SPSB1: variants seen among roughly 807,000 people sequenced by gnomAD.
The protein encoded by SPSB1 is SPRY domain-containing SOCS box protein 1.
A neutral mutation model predicts 21.2 loss-of-function variants in SPSB1; 8 were observed. The ratio of observed to expected loss-of-function variants is 0.38; its 90% CI spans 0.22 to 0.68. The LOEUF (loss-of-function observed/expected upper bound fraction) is 0.68. Among genes scored for constraint, SPSB1 ranks in the 30% least tolerant of loss-of-function variants. The probability of loss-of-function intolerance (pLI) is 0.53; values close to 1 mark genes in which losing one functional copy is unlikely to be tolerated. For missense variants in SPSB1, 242 were observed against 377.8 expected, an observed-to-expected ratio of 0.64 and a Z score of 2.98; for synonymous variants, 169 against 161.7, an observed-to-expected ratio of 1.05 and a Z score of -0.34.
chr1:9,353,196 C>T (rs887436976), intron 1 of SPSB1, among the ~76,000 whole-genome samples: 11 of 151,634 alleles, frequency 7.3e-5, no homozygotes, highest in South Asian at 2.1e-4. Context: ...TCAGCCCGCC[C>T]GGCCCCTCGA....
chr1:9,304,733 C>T (rs1639385089), intron 1 of SPSB1, among the ~76,000 whole-genome samples: 1 of 152,028 alleles, frequency 6.6e-6, no homozygotes, highest in African/African-American at 2.4e-5. Flanking sequence ...TGGAAGTGGT[C>T]CAAGTGGACG....
chr1:9,352,979 G>A (rs898570430), intron 1 of SPSB1, among the ~76,000 whole-genome samples: 2 of 152,018 alleles, frequency 1.3e-5, no homozygotes, highest in African/African-American at 2.4e-5. Flanking sequence ...GAGGGGCTAC[G>A]CTGCAGGAAG....
chr1:9,325,104 G>A (rs1639793686), intron 1 of SPSB1, among the ~76,000 whole-genome samples: 1 of 152,234 alleles, frequency 6.6e-6, no homozygotes, highest in African/African-American at 2.4e-5. Flanking sequence ...AGCTCAGCAC[G>A]TGGAGTTGGA....
At chr1:9,302,046 AC>A (rs2100461724) in intron 1 of SPSB1, among the ~76,000 whole-genome samples, 1 of 152,284 alleles carries the variant, frequency 6.6e-6, no homozygotes, top group African/African-American at 2.4e-5. Flanking sequence ...TCACTTCACA[AC>A]CAAGGAAGTG....
chr1:9,339,778 G>A (rs1315265413), intron 1 of SPSB1, among the ~76,000 whole-genome samples: 1 of 152,152 alleles, frequency 6.6e-6, no homozygotes, highest in Non-Finnish European at 1.5e-5. Flanking sequence ...CAAGGGGATC[G>A]GCAGCCTGTT....
At chr1:9,323,028 A>G (rs1010274373) in intron 1 of SPSB1, among the ~76,000 whole-genome samples, 3 of 152,154 alleles carry the variant, frequency 2.0e-5, no homozygotes, top group Non-Finnish European at 4.4e-5. Flanking sequence ...CCACGGTGAC[A>G]GTGTCTGGCT....
intron 1 of SPSB1, among the ~76,000 whole-genome samples, chr1:9,349,317 G>A (rs1159148975): frequency 1.3e-5 from 2 of 152,200 alleles, no homozygotes; most frequent in African/African-American, 2.4e-5. Flanking sequence ...CTCCCGCCAC[G>A]TGCTCGACTT....
At chr1:9,318,053 C>T (rs547961557) in intron 1 of SPSB1, among the ~76,000 whole-genome samples, 32 of 152,342 alleles carry the variant, frequency 2.1e-4, no homozygotes, top group African/African-American at 7.7e-4. Context: ...ACTCATTCCC[C>T]TTTCCGGGCA....
intron 1 of SPSB1, among the ~76,000 whole-genome samples, chr1:9,332,188 C>CA (rs36047874): frequency 0.24 from 34,127 of 139,592 alleles, 4,588 homozygotes; most frequent in East Asian, 0.48. Flanking sequence ...CCACCTCTAC[C>CA]AAAAAAAAAA....
intron 1 of SPSB1, among the ~76,000 whole-genome samples, chr1:9,310,138 G>GCT (rs1639493231): frequency 4.0e-5 from 6 of 151,150 alleles, no homozygotes; most frequent in African/African-American, 1.5e-4. Context: ...CTGTGATGAT[G>GCT]CCTCTGCACC....
chr1:9,366,286 T>A (rs1265094295), intron 2 of SPSB1, among the ~76,000 whole-genome samples: 1 of 152,142 alleles, frequency 6.6e-6, no homozygotes, highest in Non-Finnish European at 1.5e-5. Flanking sequence ...TGGGCTGGCA[T>A]TTCCAGTTTC....
chr1:9,338,589 C>G (rs1210308999), intron 1 of SPSB1, among the ~76,000 whole-genome samples: 1 of 152,264 alleles, frequency 6.6e-6, no homozygotes, highest in East Asian at 1.9e-4. Flanking sequence ...CTGTTCATTT[C>G]AGGACAAGTT....
rs1426461979 is a variant in SPSB1, at chr1:9,339,250, G to A, written c.-149-16493G>A. On this transcript the variant is annotated intron_variant, in intron 1 of 2. Coordinates refer to ENST00000328089, the MANE Select transcript of SPSB1 (RefSeq NM_025106.4). Reference sequence around the variant, plus strand: ...CCAGGCACTTGCCTAGAATATTCGAGAACTCCAGGTCCCCCGGTAGGTATC... The same window carrying A: ...CCAGGCACTTGCCTAGAATATTCGAAAACTCCAGGTCCCCCGGTAGGTATC... The A allele has an allele frequency of 3.0e-6, 3 of 985,252 alleles. No individual in the cohort carries two copies. The East Asian group carries it at 3.4e-4, about 112-fold the overall frequency. The allele number at this position is 985,252 out of a possible 1,614,324, so 61.0% of individuals were successfully genotyped here.
intron 1 of SPSB1, among the ~76,000 whole-genome samples, chr1:9,307,601 C>T (rs542742625): frequency 6.6e-6 from 1 of 152,218 alleles, no homozygotes; most frequent in Non-Finnish European, 1.5e-5. Context: ...GTAGAGGCCA[C>T]GTGAAGGTGG....
rs577713993 is a variant in SPSB1 at position 9,307,121 on chromosome 1, T to C, written c.-150+14050T>C. 2.0e-5 allele frequency among the ~76,000 whole-genome samples: 3 copies of C among 151,768 alleles called. No individual in the cohort carries two copies. The East Asian group carries it at 5.8e-4, about 29-fold the overall frequency. On this transcript the variant is annotated intron_variant, in intron 1 of 2. Transcript: ENST00000328089. ...TTTTGTATTTTTAGTAGAGATGGGGTTTCACCATGTTGGCCAGGCCGGTCT... is the reference window on the plus strand; with the variant it reads ...TTTTGTATTTTTAGTAGAGATGGGGCTTCACCATGTTGGCCAGGCCGGTCT...
chr1:9,335,162 G>A (rs941370923), intron 1 of SPSB1, among the ~76,000 whole-genome samples: 2 of 152,044 alleles, frequency 1.3e-5, no homozygotes, highest in South Asian at 4.2e-4. Flanking sequence ...TTTGTAAAAT[G>A]GTGCATTTTC....
At chr1:9,350,405 G>A (rs1282756300) in intron 1 of SPSB1, among the ~76,000 whole-genome samples, 3 of 152,230 alleles carry the variant, frequency 2.0e-5, no homozygotes, top group Non-Finnish European at 4.4e-5. Flanking sequence ...GCGGTCCTGG[G>A]GACGTGGTGA....
At chr1:9,295,943 G>A (rs1387500542) in intron 1 of SPSB1, among the ~76,000 whole-genome samples, 1 of 151,948 alleles carries the variant, frequency 6.6e-6, no homozygotes, top group East Asian at 1.9e-4. Flanking sequence ...TCTGCCCAGG[G>A]GTGTGTTATC....
chr1:9,309,155 G>A (rs758373348), intron 1 of SPSB1, among the ~76,000 whole-genome samples: 10 of 151,982 alleles, frequency 6.6e-5, no homozygotes, highest in Non-Finnish European at 1.0e-4. Flanking sequence ...AGGGGTCGTC[G>A]GTGGGCATGG....
Sources: gnomAD v4.1 joint callset for allele counts (sites outside exome capture counted in the v4.1 genomes callset) on GRCh38, gnomAD v4.1.1 for gene constraint, MANE v1.5 for transcripts, NCBI Gene and HGNC (gene_info 2026-07-23, HGNC 2026-07-21) for gene names.